The following WDFY4 variants were observed in gnomAD, a reference collection of about 807,000 sequenced individuals.
WDFY4 encodes WDFY family member 4, also known as WD repeat- and FYVE domain-containing protein 4.
A neutral mutation model predicts 351.9 loss-of-function variants in WDFY4; 169 were observed. That is an observed-to-expected ratio of 0.48 (90% CI 0.42 to 0.55). The LOEUF is 0.55. Among genes scored for constraint, WDFY4 ranks in the 20% least tolerant of loss-of-function variants. The probability of loss-of-function intolerance (pLI) is 0.00; values close to 1 mark genes in which losing one functional copy is unlikely to be tolerated. For synonymous variants in WDFY4, 1,622 were observed against 1,574.6 expected (o/e 1.03, Z -0.71); for missense variants, 3,803 against 3,935.6 (o/e 0.97, Z 0.90).
chr10:48,707,178 C>T (rs1183056832), intron 1 of WDFY4, among the ~76,000 whole-genome samples: 1 of 152,156 alleles, frequency 6.6e-6, no homozygotes, highest in Non-Finnish European at 1.5e-5. Context: ...GATGCTCATA[C>T]TCATTAGTAA....
At chr10:48,727,414 C>A in intron 6 of WDFY4, 56 bp from the exon 7 acceptor site, 4 of 1,510,956 alleles carry the variant, frequency 2.6e-6, no homozygotes, top group Non-Finnish European at 3.6e-6. Context: ...TGGACCATGG[C>A]AGGAAAGCTC....
intron 43 of WDFY4, among the ~76,000 whole-genome samples, chr10:48,884,612 C>A (rs764110096): frequency 6.6e-6 from 1 of 152,260 alleles, no homozygotes; most frequent in East Asian, 1.9e-4. Context: ...CATGTGTGCA[C>A]GTGCACACAC....
chr10:48,860,010 T>G (rs976257988), intron 39 of WDFY4, among the ~76,000 whole-genome samples: 6 of 152,214 alleles, frequency 3.9e-5, no homozygotes, highest in Non-Finnish European at 7.3e-5. Flanking sequence ...TACCTTACTT[T>G]TTATGCCTGC....
In WDFY4 at chr10:48,800,174, G is replaced by A. The variant is rs116155370; in HGVS notation, c.4411-3112G>A. 5.0e-3 allele frequency among the ~76,000 whole-genome samples: 768 copies of A among 152,266 alleles called. 4 individuals carry two copies. The highest frequency in any genetic ancestry group is 0.018 in the African/African-American group (728 of 41,542). On this transcript the variant is annotated intron_variant, in intron 24 of 61. Coordinates refer to ENST00000325239, the MANE Select transcript of WDFY4 (RefSeq NM_001394531.1). ...CCTGGGATTACAAGCGTGAGCCACC[G>A]CGCCCAGCCGGTTTCGTGTTTTAAG...
chr10:48,974,553 C>G (rs75814722), intron 57 of WDFY4, among the ~76,000 whole-genome samples: 1 of 109,536 alleles, frequency 9.1e-6, no homozygotes, highest in South Asian at 3.3e-4. Context: ...GAACTGCTCC[C>G]GGGTTCAAGA....
chr10:48,881,422 G>A (rs2070244669), intron 43 of WDFY4, among the ~76,000 whole-genome samples: 1 of 152,176 alleles, frequency 6.6e-6, no homozygotes, highest in African/African-American at 2.4e-5. Flanking sequence ...CCGAGATGGT[G>A]GAGGATGAGA....
intron 11 of WDFY4, among the ~76,000 whole-genome samples, chr10:48,737,049 T>C (rs545479394): frequency 1.0e-4 from 16 of 152,394 alleles, no homozygotes; most frequent in East Asian, 9.6e-4. Flanking sequence ...GTTTTGTTGC[T>C]GTTCCTTTTT....
rs1039883769 is a variant in WDFY4 at position 48,897,536 on chromosome 10, G to C, written c.7399G>C (p.Asp2467His). 7.7e-6 allele frequency: 12 copies of C among 1,550,636 alleles called. No homozygotes were observed. The East Asian group carries it at 1.2e-4, about 16-fold the overall frequency. The stretch of plus-strand genomic sequence containing the variant: ...CTCGTGCCAGTGCCACAGCTACGCT[G>C]ACATGCGGGAGCTACGGCAGGCTCG... ...HYSCQCHSYA[D>H]MRELRQARFL... The change falls in exon 45 of 62, where the codon GAC becomes CAC. Residue 2467 changes from aspartate to histidine, a missense_variant. This residue lies in a region of WDFY4 where 3,054 missense variants were observed against 3,148.6 expected (regional missense o/e 0.97). Coordinates refer to ENST00000325239, the MANE Select transcript of WDFY4 (RefSeq NM_001394531.1).
At chr10:48,740,893 T>C (rs1377080092) in intron 11 of WDFY4, among the ~76,000 whole-genome samples, 3 of 152,234 alleles carry the variant, frequency 2.0e-5, no homozygotes, top group African/African-American at 2.4e-5. Flanking sequence ...AGTAGTGTGT[T>C]TTCTTTTTCT....
At chr10:48,781,005 C>T (rs555053071) in intron 19 of WDFY4, among the ~76,000 whole-genome samples, 2 of 152,238 alleles carry the variant, frequency 1.3e-5, no homozygotes, top group East Asian at 1.9e-4. Flanking sequence ...CCCCTAAATG[C>T]CATAGTGTTC....
chr10:48,810,395 T>G, intron 28 of WDFY4, 135 bp from the exon 29 acceptor site: 1 of 749,932 alleles, frequency 1.3e-6, no homozygotes, highest in Non-Finnish European at 2.1e-6. Context: ...TCTTTTTAAA[T>G]GTAATACATA....
intron 1 of WDFY4, among the ~76,000 whole-genome samples, chr10:48,700,806 G>A (rs538384113): frequency 5.9e-5 from 9 of 152,176 alleles, no homozygotes; most frequent in South Asian, 2.1e-4. Flanking sequence ...TGCTATTATC[G>A]TTATGATTTT....
At chr10:48,736,167 C>T (rs1426984874) in intron 11 of WDFY4, 97 bp downstream of exon 11, 1 of 1,412,844 alleles carries the variant, frequency 7.1e-7, no homozygotes. Context: ...ATTCAGTTAG[C>T]CACTGTATGT....
At chr10:48,940,480 G>C (rs930842722) in intron 47 of WDFY4, among the ~76,000 whole-genome samples, 1 of 152,176 alleles carries the variant, frequency 6.6e-6, no homozygotes, top group African/African-American at 2.4e-5. Flanking sequence ...GGGCTATGAT[G>C]GGAATGTGAA....
intron 47 of WDFY4, among the ~76,000 whole-genome samples, chr10:48,905,525 C>T (rs1417179004): frequency 6.6e-6 from 1 of 152,200 alleles, no homozygotes; most frequent in African/African-American, 2.4e-5. Flanking sequence ...TACCTGATCC[C>T]ACTGGAGCAG....
At chr10:48,981,652 C>T (rs139030876) in intron 61 of WDFY4, among the ~76,000 whole-genome samples, 174 bp downstream of exon 61, 17 of 152,316 alleles carry the variant, frequency 1.1e-4, no homozygotes, top group Non-Finnish European at 2.4e-4. Flanking sequence ...CCCCAGGAAA[C>T]GTTTTTCAGG....
intron 31 of WDFY4, among the ~76,000 whole-genome samples, chr10:48,815,734 CTT>C (rs539434729): frequency 9.5e-5 from 14 of 146,708 alleles, no homozygotes; most frequent in African/African-American, 3.2e-4. Context: ...TAATCCTATG[CTT>C]TTTTTTTTTC....
chr10:48,923,133 G>A (rs899490676), intron 47 of WDFY4, among the ~76,000 whole-genome samples: 3 of 152,064 alleles, frequency 2.0e-5, no homozygotes, highest in Non-Finnish European at 2.9e-5. Context: ...CTTGTCCCAC[G>A]TTGGAAGTCT....
Position 48,735,924 on chromosome 10 carries a change from C to A in WDFY4, c.1732C>A (p.Leu578Met), listed in dbSNP as rs908833451. Reference protein sequence around the residue: ...HGMVPFIKIFLDDECYREASL... With the variant: ...HGMVPFIKIFMDDECYREASL... ...CATGGTGCCCTTCATCAAGATCTTCCTGGATGACGAGTGCTACCGGGAGGC... is the reference window on the plus strand; with the variant it reads ...CATGGTGCCCTTCATCAAGATCTTCATGGATGACGAGTGCTACCGGGAGGC... Residue 578 changes from leucine (L) to methionine (M), a missense_variant, in exon 11 of 62, where the codon CTG (leucine) becomes ATG (methionine). Physicochemically the swap from Leu to Met is conservative, Grantham distance 15 (BLOSUM62 2). This residue lies in a region of WDFY4 where 261 missense variants were observed against 330.2 expected (regional missense o/e 0.79). Coordinates refer to ENST00000325239, the MANE Select transcript of WDFY4 (RefSeq NM_001394531.1). 1 of 1,551,594 alleles carries A rather than the reference C, an allele frequency of 6.4e-7. No individual in the cohort carries two copies. The highest frequency in any genetic ancestry group is 1.4e-5 in the African/African-American group (1 of 73,044).
Sources: gnomAD v4.1 joint callset for allele counts (sites outside exome capture counted in the v4.1 genomes callset) on GRCh38, gnomAD v4.1.1 for gene constraint, gnomAD v4.1.1 regional missense constraint, MANE v1.5 for transcripts, NCBI Gene and HGNC (gene_info 2026-07-23, HGNC 2026-07-21) for gene names.